HEMK2: variants seen among roughly 807,000 people sequenced by gnomAD.
The protein encoded by HEMK2 is HemK methyltransferase 2, ETF1 glutamine and histone H4 lysine, also known as methyltransferase HEMK2.
chr21:28,687,048 G>A, the HEMK2 span, among the ~76,000 whole-genome samples: 4 of 152,136 alleles, frequency 2.6e-5, no homozygotes, highest in African/African-American at 9.7e-5. Flanking sequence ...TTGAACAAAA[G>A]GATATAATAA....
At chr21:28,882,177 G>A in the HEMK2 span, 2 of 1,582,382 alleles carry the variant, frequency 1.3e-6, no homozygotes, top group Admixed American at 4.0e-5. Flanking sequence ...GTAATAACTG[G>A]TTGAATGTGA....
chr21:28,695,974 T>TA, the HEMK2 span, among the ~76,000 whole-genome samples: 48 of 151,554 alleles, frequency 3.2e-4, no homozygotes, highest in East Asian at 3.5e-3. Flanking sequence ...TCGGTAATTT[T>TA]TATATATATA....
At chr21:28,809,467 G>A in the HEMK2 span, among the ~76,000 whole-genome samples, 2 of 152,148 alleles carry the variant, frequency 1.3e-5, no homozygotes, top group Non-Finnish European at 2.9e-5. Flanking sequence ...TCTGAGAGGA[G>A]ATAATATGTA....
At chr21:28,655,029 T>C in the HEMK2 span, among the ~76,000 whole-genome samples, 1 of 152,052 alleles carries the variant, frequency 6.6e-6, no homozygotes, top group African/African-American at 2.4e-5. Flanking sequence ...TGGAAACTAA[T>C]TCACTTTGAA....
At chr21:28,588,737 G>A in the HEMK2 span, among the ~76,000 whole-genome samples, 3 of 152,118 alleles carry the variant, frequency 2.0e-5, no homozygotes, top group African/African-American at 4.8e-5. Context: ...TTGGGAGGCC[G>A]AGGAGGTCGG....
chr21:28,645,486 A>C, the HEMK2 span, among the ~76,000 whole-genome samples: 2 of 152,204 alleles, frequency 1.3e-5, no homozygotes, highest in East Asian at 3.8e-4. Context: ...CACAAATTCC[A>C]AAGGAAAAAG....
chr21:28,686,345 C>T, the HEMK2 span, among the ~76,000 whole-genome samples: 25 of 152,132 alleles, frequency 1.6e-4, no homozygotes, highest in African/African-American at 5.6e-4. Flanking sequence ...AGCGACTCTC[C>T]TGCCTCAGCC....
the HEMK2 span, chr21:28,873,371 T>C: frequency 2.0e-5 from 3 of 152,262 alleles, no homozygotes; most frequent in East Asian, 1.9e-4. Flanking sequence ...AATGTAGTTA[T>C]AGCAAAATAT....
the HEMK2 span, among the ~76,000 whole-genome samples, chr21:28,716,803 T>A: frequency 6.6e-6 from 1 of 152,142 alleles, no homozygotes; most frequent in Non-Finnish European, 1.5e-5. Context: ...TTCTTGAGGG[T>A]TTTTATTATG....
At chr21:28,733,605 G>A in the HEMK2 span, among the ~76,000 whole-genome samples, 2 of 151,686 alleles carry the variant, frequency 1.3e-5, no homozygotes, top group East Asian at 3.9e-4. Context: ...TTTCTCTCTG[G>A]GTCACCAATG....
the HEMK2 span, among the ~76,000 whole-genome samples, chr21:28,712,288 A>G: frequency 3.3e-5 from 5 of 152,242 alleles, no homozygotes; most frequent in African/African-American, 9.6e-5. Context: ...ACTCAAATCC[A>G]TATCTCAGGA....
chr21:28,844,744 T>A, the HEMK2 span, among the ~76,000 whole-genome samples: 1 of 152,032 alleles, frequency 6.6e-6, no homozygotes, highest in African/African-American at 2.4e-5. Context: ...ATTTTTGTCA[T>A]CTGATTGATG....
chr21:28,608,789 T>A, the HEMK2 span, among the ~76,000 whole-genome samples: 1 of 151,922 alleles, frequency 6.6e-6, no homozygotes, highest in South Asian at 2.1e-4. Context: ...CTGCCAGCTT[T>A]CCCCCACTTT....
At chr21:28,842,936 G>A in the HEMK2 span, among the ~76,000 whole-genome samples, 2 of 152,206 alleles carry the variant, frequency 1.3e-5, no homozygotes, top group Middle Eastern at 3.4e-3. Flanking sequence ...GTCTACAATG[G>A]GAGATAGCAT....
At chr21:28,837,790 T>C in the HEMK2 span, among the ~76,000 whole-genome samples, 15 of 152,106 alleles carry the variant, frequency 9.9e-5, no homozygotes, top group Non-Finnish European at 1.9e-4. Flanking sequence ...GATAGACTAT[T>C]AGCAAGATTA....
the HEMK2 span, among the ~76,000 whole-genome samples, chr21:28,785,780 C>T: frequency 3.9e-5 from 6 of 152,144 alleles, no homozygotes; most frequent in Admixed American, 3.9e-4. Flanking sequence ...GAAGAACCAC[C>T]CTCCTGAGCC....
the HEMK2 span, among the ~76,000 whole-genome samples, chr21:28,808,577 G>GT: frequency 1.3e-5 from 2 of 151,902 alleles, no homozygotes; most frequent in African/African-American, 4.8e-5. Context: ...TTGCTTTGTG[G>GT]TTTTCAGTGT....
the HEMK2 span, among the ~76,000 whole-genome samples, chr21:28,791,573 AG>A: frequency 1.3e-5 from 2 of 152,184 alleles, no homozygotes; most frequent in African/African-American, 4.8e-5. Flanking sequence ...ATCTTATAAA[AG>A]TTAATGTTTA....
chr21:28,658,925 C>T, the HEMK2 span, among the ~76,000 whole-genome samples: 1 of 152,080 alleles, frequency 6.6e-6, no homozygotes, highest in Admixed American at 6.6e-5. Flanking sequence ...AATATATTAG[C>T]TAAAGTTCCA....
Sources: gnomAD v4.1 joint callset for allele counts (sites outside exome capture counted in the v4.1 genomes callset) on GRCh38, gnomAD v4.1.1 for gene constraint, MANE v1.5 for transcripts, NCBI Gene and HGNC (gene_info 2026-07-23, HGNC 2026-07-21) for gene names.